Variants in TENM4 observed in about 807,000 individuals in gnomAD.
TENM4 encodes the protein teneurin transmembrane protein 4, also known as teneurin-4.
In TENM4, 82 loss-of-function variants were observed where a neutral mutation model predicts 243.3. That is an observed-to-expected ratio of 0.34 (90% CI 0.28 to 0.40). The LOEUF is 0.40. Among genes scored for constraint, TENM4 ranks in the 10% least tolerant of loss-of-function variants. The pLI, the probability that TENM4 is intolerant of heterozygous loss-of-function variation, is 1.00. For missense variants in TENM4, 3,138 were observed against 3,673.3 expected, an observed-to-expected ratio of 0.85 and a Z score of 3.77; for synonymous variants, 1,412 against 1,456.3, an observed-to-expected ratio of 0.97 and a Z score of 0.69.
At chr11:79,250,067 CCT>C (rs1173969260) in intron 2 of TENM4, among the ~76,000 whole-genome samples, 6 of 152,264 alleles carry the variant, frequency 3.9e-5, no homozygotes, top group African/African-American at 9.6e-5. Flanking sequence ...CTCACTTCAA[CCT>C]CTGTCTCCCC....
At chr11:78,723,620 A>T (rs1565349749) in intron 23 of TENM4, among the ~76,000 whole-genome samples, 1 of 152,200 alleles carries the variant, frequency 6.6e-6, no homozygotes, top group East Asian at 1.9e-4. Context: ...AAATGAGGGG[A>T]TTGACCTCAA....
At chr11:79,107,576 G>A (rs1861403705) in intron 4 of TENM4, among the ~76,000 whole-genome samples, 1 of 152,176 alleles carries the variant, frequency 6.6e-6, no homozygotes, top group Admixed American at 6.5e-5. Context: ...CCCTGATTCA[G>A]CAGGGTTTGA....
chr11:79,376,114 C>A (rs901552736), intron 1 of TENM4, among the ~76,000 whole-genome samples: 1 of 152,234 alleles, frequency 6.6e-6, no homozygotes, highest in Non-Finnish European at 1.5e-5. Context: ...GGCCAGTCTG[C>A]CTGTCTGCAC....
intron 2 of TENM4, among the ~76,000 whole-genome samples, chr11:79,271,299 C>T (rs980750289): frequency 6.6e-6 from 1 of 152,278 alleles, no homozygotes; most frequent in Non-Finnish European, 1.5e-5. Context: ...GAATGCTAAT[C>T]GGAAAGACAA....
chr11:79,076,747 A>C (rs530032445), intron 4 of TENM4, among the ~76,000 whole-genome samples: 9 of 152,298 alleles, frequency 5.9e-5, no homozygotes, highest in Middle Eastern at 3.4e-3. Context: ...TGATCAGGGG[A>C]TCACTGAAGA....
chr11:79,283,143 C>G (rs1856186184), intron 2 of TENM4, among the ~76,000 whole-genome samples: 1 of 151,434 alleles, frequency 6.6e-6, no homozygotes, highest in African/African-American at 2.4e-5. Flanking sequence ...GGAGGGAATC[C>G]TTCCAACTCA....
chr11:78,938,799 T>C (rs1260723539), intron 6 of TENM4, among the ~76,000 whole-genome samples: 1 of 152,148 alleles, frequency 6.6e-6, no homozygotes. Flanking sequence ...GTCAGATTTA[T>C]GGTGAGGGGT....
chr11:79,400,475 T>C (rs1170451590), intron 1 of TENM4, among the ~76,000 whole-genome samples: 3 of 152,286 alleles, frequency 2.0e-5, no homozygotes, highest in South Asian at 4.1e-4. Context: ...AACAAGGCTC[T>C]GAAATTGCAA....
intron 3 of TENM4, among the ~76,000 whole-genome samples, chr11:79,201,502 C>CAAAA (rs11418108): frequency 6.9e-6 from 1 of 145,540 alleles, no homozygotes. Flanking sequence ...AATAACCAGG[C>CAAAA]AAAAAAAAAA....
At chr11:78,991,446 G>A (rs1429475297) in intron 6 of TENM4, among the ~76,000 whole-genome samples, 3 of 152,182 alleles carry the variant, frequency 2.0e-5, no homozygotes, top group Non-Finnish European at 4.4e-5. Flanking sequence ...GCAACCAAGA[G>A]GCAAGAGCAC....
At chr11:79,389,274 G>C (rs1225798159) in intron 1 of TENM4, among the ~76,000 whole-genome samples, 2 of 152,188 alleles carry the variant, frequency 1.3e-5, no homozygotes, top group Non-Finnish European at 2.9e-5. Flanking sequence ...TCCTGCCTCA[G>C]TCTCCTGAGT....
At chr11:79,035,356 AT>A (rs1466165260) in intron 6 of TENM4, among the ~76,000 whole-genome samples, 7 of 152,188 alleles carry the variant, frequency 4.6e-5, no homozygotes, top group Non-Finnish European at 1.0e-4. Flanking sequence ...TTATTTTAAA[AT>A]TCTCAGCTCA....
chr11:78,899,664 A>G (rs1292818611), intron 7 of TENM4, among the ~76,000 whole-genome samples: 1 of 151,724 alleles, frequency 6.6e-6, no homozygotes, highest in Non-Finnish European at 1.5e-5. Flanking sequence ...CTGCATGAGT[A>G]GATTAAAGCC....
At chr11:78,804,654 C>T (rs664017) in intron 15 of TENM4, among the ~76,000 whole-genome samples, 105,538 of 152,086 alleles carry the variant, frequency 0.69, 37,961 homozygotes, top group Non-Finnish European at 0.8. Context: ...CCAAATGCCA[C>T]AATCAAGAAC....
intron 1 of TENM4, among the ~76,000 whole-genome samples, chr11:79,389,880 T>C (rs1374252019): frequency 1.3e-5 from 2 of 152,316 alleles, no homozygotes; most frequent in Admixed American, 1.3e-4. Flanking sequence ...GTAGACTCAA[T>C]TTCACCCCTT....
intron 1 of TENM4, among the ~76,000 whole-genome samples, chr11:79,412,687 A>G (rs913313421): frequency 1.5e-4 from 23 of 152,248 alleles, no homozygotes; most frequent in African/African-American, 5.5e-4. Context: ...ATATGTATCA[A>G]ATAAATACTC....
At chr11:79,286,835 A>G (rs1341384963) in intron 2 of TENM4, among the ~76,000 whole-genome samples, 1 of 152,246 alleles carries the variant, frequency 6.6e-6, no homozygotes, top group Non-Finnish European at 1.5e-5. Flanking sequence ...TAATTGGGAA[A>G]TAGATGAATT....
At chr11:79,176,421 A>G (rs1257969489) in intron 3 of TENM4, among the ~76,000 whole-genome samples, 2 of 152,226 alleles carry the variant, frequency 1.3e-5, no homozygotes, top group East Asian at 1.9e-4. Context: ...CAGATGTTCT[A>G]TCTCCTGAAC....
intron 12 of TENM4, among the ~76,000 whole-genome samples, chr11:78,819,158 T>C (rs1259354809): frequency 1.3e-5 from 2 of 152,154 alleles, no homozygotes; most frequent in Non-Finnish European, 1.5e-5. Context: ...ACAGTGCTTC[T>C]TCCCAGTGGA....
Sources: allele counts gnomAD v4.1 joint callset (sites outside exome capture counted in the v4.1 genomes callset), GRCh38; gene constraint gnomAD v4.1.1; transcripts MANE v1.5; gene names NCBI Gene and HGNC (gene_info 2026-07-23, HGNC 2026-07-21).